Variants in KCNIP2 observed in about 807,000 individuals in gnomAD.
KCNIP2 encodes potassium voltage-gated channel interacting protein 2, also known as A-type potassium channel modulatory protein KCNIP2.
In KCNIP2, 19 loss-of-function variants were observed where a neutral mutation model predicts 39.0. The observed-to-expected ratio is 0.49, with a 90% CI of 0.34 to 0.71. The LOEUF (loss-of-function observed/expected upper bound fraction) is 0.71. KCNIP2 is among the 30% of genes least tolerant of loss of function. The pLI is 0.01. For missense variants in KCNIP2, 261 were observed against 346.0 expected, an observed-to-expected ratio of 0.75 and a Z score of 1.95; for synonymous variants, 111 against 131.2, an observed-to-expected ratio of 0.85 and a Z score of 1.05.
At position 101,843,621 on chromosome 10, in the gene KCNIP2, C is replaced by A; in HGVS notation, c.-53G>T. The A allele has an allele frequency of 1.8e-6, 2 of 1,110,538 alleles. No individual in the cohort carries two copies. The highest frequency in any genetic ancestry group is 1.8e-5 in the South Asian group (1 of 56,806). The allele number at this position is 1,110,538 out of a possible 1,614,324, so 68.8% of individuals were successfully genotyped here. ...GCCGTGGGAGGGGGCGCCGGGTGGC[C>A]GGGATAGGGCGCTCACACGGCGCCC... On this transcript the variant is annotated 5_prime_UTR_variant, in exon 1 of 10. Transcript: ENST00000356640. This position sits in a 1 kb window ranked among gnomAD's most constrained non-coding sequence, Gnocchi z 6.7.
Position 101,828,451 on chromosome 10 carries a change from T to G in KCNIP2, c.427A>C (p.Thr143Pro). The G allele has an allele frequency of 6.2e-7, 1 of 1,614,012 alleles. No individual in the cohort carries two copies. ...GCATTGAAGAGAAAAGTGGCATAGG[T>G]GCTGGAGTCTGCAGGGTGAGTGTGG... ...SQFFPQGDSS[T>P]YATFLFNAFD... The change falls in exon 6 of 10, where the codon ACC becomes CCC. Residue 143 changes from threonine (T) to proline (P), a missense_variant. By Grantham distance (38) the Thr-to-Pro change is conservative. Transcript: ENST00000356640. This position sits in a 1 kb window ranked among gnomAD's most constrained non-coding sequence, Gnocchi z 6.6.
At position 101,839,257 on chromosome 10, in the gene KCNIP2, T is replaced by C. The variant is rs1022386166; in HGVS notation, c.73+4239A>G. ...ACATACAATCCTTAAGCCACACAAG[T>C]CTATCAGTCCCATGTCATGTATGAA... On this transcript the variant is annotated intron_variant, in intron 1 of 9. Transcript: ENST00000356640. Among the ~76,000 whole-genome samples, 15 of 152,142 alleles carry C rather than the reference T, an allele frequency of 9.9e-5. No individual in the cohort carries two copies. In the South Asian group the frequency reaches 1.0e-3, roughly 10 times the overall value.
intron 1 of KCNIP2, among the ~76,000 whole-genome samples, chr10:101,837,131 G>A (rs1400625421): frequency 6.6e-6 from 1 of 152,036 alleles, no homozygotes; most frequent in East Asian, 1.9e-4. Flanking sequence ...AATAAACAAA[G>A]ATAATATTTA....
In KCNIP2 at chr10:101,828,049, C is replaced by T; in HGVS notation, c.598-56G>A. The T allele has an allele frequency of 6.4e-7, 1 of 1,566,436 alleles. No homozygotes were observed. Among genetic ancestry groups the T allele is most frequent in the South Asian group, 1.1e-5 (1 of 90,058 alleles). On this transcript the variant is annotated intron_variant, in intron 7 of 9. Transcript: ENST00000356640. This position sits in a 1 kb window ranked among gnomAD's most constrained non-coding sequence, Gnocchi z 6.6. ...CTCAGAGCCTCCAGCCTCCCTTGAT[C>T]CCTTGCTTGTGGGCATATGTGGGTC...
intron 1 of KCNIP2, chr10:101,839,738 C>A (rs1004472905): frequency 6.2e-7 from 1 of 1,611,798 alleles, no homozygotes. Flanking sequence ...CCCTCCCTTC[C>A]CTTCCTCATC....
chr10:101,841,095 G>GT (rs1222399214), intron 1 of KCNIP2, among the ~76,000 whole-genome samples: 1 of 152,218 alleles, frequency 6.6e-6, no homozygotes, highest in Non-Finnish European at 1.5e-5. Context: ...GGCTCGGACT[G>GT]TTTTTTGTTT....
At chr10:101,835,460 G>C (rs888957302) in intron 1 of KCNIP2, among the ~76,000 whole-genome samples, 13 of 152,256 alleles carry the variant, frequency 8.5e-5, no homozygotes, top group South Asian at 2.1e-4. Flanking sequence ...TGGGAGAGGA[G>C]GGGGGACTGT....
intron 1 of KCNIP2, among the ~76,000 whole-genome samples, chr10:101,841,139 C>T (rs751660865): frequency 6.6e-6 from 1 of 152,150 alleles, no homozygotes; most frequent in Non-Finnish European, 1.5e-5. Flanking sequence ...CTCCCAGCTC[C>T]CTTTTGAGCT....
At chr10:101,829,394 C>A in intron 3 of KCNIP2, 195 bp from the exon 4 acceptor site, 1 of 677,318 alleles carries the variant, frequency 1.5e-6, no homozygotes, top group Non-Finnish European at 2.3e-6. Context: ...GGTCTATCAG[C>A]GGGCCAAGGC....
intron 1 of KCNIP2, among the ~76,000 whole-genome samples, chr10:101,835,461 G>T (rs549625452): frequency 6.6e-6 from 1 of 152,230 alleles, no homozygotes; most frequent in East Asian, 1.9e-4. Flanking sequence ...GGGAGAGGAG[G>T]GGGGACTGTG....
At position 101,828,333 on chromosome 10, in the gene KCNIP2, A is replaced by C; in HGVS notation, c.489+56T>G. On this transcript the variant is annotated intron_variant, in intron 6 of 9. Transcript: ENST00000356640. The surrounding 1 kb of genome is among the most constrained non-coding windows in gnomAD (Gnocchi z 6.6). ...CTCCTTCTCTGGGTTTGGCCTGGAGATCCTGGCCCTGAACTCCAGGAAACA... is the reference window on the plus strand; with the variant it reads ...CTCCTTCTCTGGGTTTGGCCTGGAGCTCCTGGCCCTGAACTCCAGGAAACA... The C allele has an allele frequency of 6.2e-6, 10 of 1,609,076 alleles. No individual in the cohort carries two copies. In the Admixed American group the frequency reaches 1.2e-4, roughly 19 times the overall value.
chr10:101,828,879 A>G lies in KCNIP2; in HGVS notation c.349-183T>C. The G allele has an allele frequency of 6.5e-7, 1 of 1,544,862 alleles. No homozygotes were observed. Among genetic ancestry groups the G allele is most frequent in the Non-Finnish European group, 8.7e-7 (1 of 1,144,542 alleles). On this transcript the variant is annotated intron_variant, in intron 4 of 9. Transcript: ENST00000356640. The surrounding 1 kb of genome is among the most constrained non-coding windows in gnomAD (Gnocchi z 6.6). Reference sequence around the variant, plus strand: ...CCCAGTGCACAAATAAAAAACATGGAACGAAACTGACAGTCTACAGGCGCC... The same window carrying G: ...CCCAGTGCACAAATAAAAAACATGGGACGAAACTGACAGTCTACAGGCGCC...
chr10:101,827,419 C>T lies in KCNIP2; in HGVS notation c.766-19G>A, dbSNP rs767180763. The T allele has an allele frequency of 2.1e-5, 34 of 1,598,192 alleles. No homozygotes were observed. The South Asian group carries it at 2.8e-4, about 13-fold the overall frequency. ...TCTCATCCTGTGGCCATGATGTGAG[C>T]GAGGCAGATTGAAGAGAGAGAAAGA... On this transcript the variant is annotated intron_variant, in intron 9 of 9. Transcript: ENST00000356640.
chr10:101,835,785 T>C (rs1307733872), intron 1 of KCNIP2, among the ~76,000 whole-genome samples: 2 of 152,196 alleles, frequency 1.3e-5, no homozygotes, highest in East Asian at 1.9e-4. Context: ...GCATTCACTA[T>C]GTACTAGATA....
intron 1 of KCNIP2, among the ~76,000 whole-genome samples, chr10:101,840,619 C>G (rs573861696): frequency 9.3e-4 from 139 of 149,658 alleles, no homozygotes; most frequent in African/African-American, 3.3e-3. Context: ...CAGGTTAGAC[C>G]CCAAGTAAAC....
At chr10:101,829,718 A>AG in intron 3 of KCNIP2, 126 bp downstream of exon 3, 1 of 111,666 alleles carries the variant, frequency 9.0e-6, no homozygotes, top group Non-Finnish European at 1.8e-5. Flanking sequence ...CTCCATCCAG[A>AG]CCCCACCCCC....
At chr10:101,839,925 T>TGGGCGGCGCGGGAG in intron 1 of KCNIP2, 1 of 1,380,954 alleles carries the variant, frequency 7.2e-7, no homozygotes, top group Non-Finnish European at 9.7e-7. Flanking sequence ...TAGGCCCGCG[T>TGGGCGGCGCGGGAG]GGGCGGCGCG....
At position 101,828,951 on chromosome 10, in the gene KCNIP2, C is replaced by T. The variant is rs529792556; in HGVS notation, c.348+124G>A. On this transcript the variant is annotated intron_variant, in intron 4 of 9. Transcript: ENST00000356640. The surrounding 1 kb of genome is among the most constrained non-coding windows in gnomAD (Gnocchi z 6.6). ...CAGAACCTCCAGCTAGAAGTTCAGT[C>T]TCAGGGCCTTGCCTCCCTTCCGCCC... is the stretch of plus-strand genomic sequence containing the variant. 3.5e-3 allele frequency: 5,255 copies of T among 1,517,762 alleles called. 13 individuals carry two copies. The highest frequency in any genetic ancestry group is 4.2e-3 in the Non-Finnish European group (4,755 of 1,128,820). 94.0% of individuals were successfully genotyped at this position (1,517,762 alleles called of 1,614,324 possible).
rs1358673431 is a variant in KCNIP2 at position 101,843,121 on chromosome 10, TCA to T, written c.73+373_73+374del. On this transcript the variant is annotated intron_variant, in intron 1 of 9. Transcript: ENST00000356640. This position sits in a 1 kb window ranked among gnomAD's most constrained non-coding sequence, Gnocchi z 6.7. ...CATACAATTGCACTGCCACATACAA[TCA>T]CACTCACCCTAGCTGTCACCAAGCC... Among the ~76,000 whole-genome samples, 1 of 152,004 alleles carries T rather than the reference TCA, an allele frequency of 6.6e-6. No homozygotes were observed. The highest frequency in any genetic ancestry group is 1.5e-5 in the Non-Finnish European group (1 of 68,000).
Sources: gnomAD v4.1 joint callset for allele counts (sites outside exome capture counted in the v4.1 genomes callset) on GRCh38, gnomAD v4.1.1 for gene constraint, Gnocchi (gnomAD v3.1) non-coding constraint, MANE v1.5 for transcripts, NCBI Gene and HGNC (gene_info 2026-07-23, HGNC 2026-07-21) for gene names.